RESF1: variants seen among roughly 807,000 people sequenced by gnomAD.
RESF1 encodes the protein gonad expressed transcript.
In RESF1, 65 loss-of-function variants were observed where a neutral mutation model predicts 134.7. The observed-to-expected ratio is 0.48, with a 90% CI of 0.40 to 0.59. The LOEUF is 0.59. Among genes scored for constraint, RESF1 ranks in the 20% least tolerant of loss-of-function variants. RESF1 has a pLI of 0.00. For synonymous variants in RESF1, 762 were observed against 702.2 expected, an observed-to-expected ratio of 1.09 and a Z score of -1.35; for missense variants, 2,274 against 2,002.7, an observed-to-expected ratio of 1.14 and a Z score of -2.59.
intron 3 of RESF1, among the ~76,000 whole-genome samples, chr12:31,970,983 T>C (rs1240529004): frequency 6.6e-6 from 1 of 152,240 alleles, no homozygotes; most frequent in African/African-American, 2.4e-5. Flanking sequence ...AGTAAACCTT[T>C]ATCAGATTAT....
chr12:31,972,300 G>A (rs1330805872), intron 3 of RESF1, among the ~76,000 whole-genome samples: 1 of 151,904 alleles, frequency 6.6e-6, no homozygotes. Context: ...ACTTGGTGTT[G>A]GCATCAGAAG....
At chr12:31,962,995 A>G (rs904056665) in intron 2 of RESF1, among the ~76,000 whole-genome samples, 8 of 152,162 alleles carry the variant, frequency 5.3e-5, no homozygotes, top group African/African-American at 1.9e-4. Flanking sequence ...GCTATCCGGG[A>G]GGCAGAGGTT....
rs543165009 is a variant in RESF1, at chr12:31,972,393, T to G, written c.-79+2037T>G. Among the ~76,000 whole-genome samples the G allele has an allele frequency of 3.3e-5, 5 of 151,742 alleles. No individual in the cohort carries two copies. The East Asian group carries it at 9.7e-4, about 29-fold the overall frequency. On this transcript the variant is annotated intron_variant, in intron 3 of 5. Coordinates refer to ENST00000312561, the MANE Select transcript of RESF1 (RefSeq NM_018169.4). ...AGGCCGAGGTGGGTGGATCACGAGGTCAGGAGATCGAGACCATCCTGGCTA... is the reference window on the plus strand; with the variant it reads ...AGGCCGAGGTGGGTGGATCACGAGGGCAGGAGATCGAGACCATCCTGGCTA...
intron 2 of RESF1, among the ~76,000 whole-genome samples, chr12:31,968,104 T>C (rs1464296446): frequency 6.6e-6 from 1 of 152,228 alleles, no homozygotes; most frequent in African/African-American, 2.4e-5. Flanking sequence ...CTCTAATTTT[T>C]CGAATGCTTA....
chr12:31,983,042 T>C lies in RESF1; in HGVS notation c.2087T>C (p.Leu696Pro). Reference sequence around the variant, plus strand: ...GCAAAAGAAAAGGAGTGTGATAAACTCAGAACAAACACAACAGCAGTTGGA... The same window carrying C: ...GCAAAAGAAAAGGAGTGTGATAAACCCAGAACAAACACAACAGCAGTTGGA... ...DTAKEKECDK[L>P]RTNTTAVGIS... Residue 696 changes from leucine (L) to proline (P), a missense_variant, in exon 4 of 6, where the codon CTC (leucine) becomes CCC (proline). By Grantham distance (98) the Leu-to-Pro change is moderately conservative. Coordinates refer to ENST00000312561, the MANE Select transcript of RESF1 (RefSeq NM_018169.4). The C allele has an allele frequency of 1.2e-6, 2 of 1,613,986 alleles. No individual in the cohort carries two copies. The highest frequency in any genetic ancestry group is 1.7e-6 in the Non-Finnish European group (2 of 1,179,994).
At chr12:31,968,824 A>G (rs1332397279) in intron 2 of RESF1, among the ~76,000 whole-genome samples, 4 of 152,222 alleles carry the variant, frequency 2.6e-5, no homozygotes, top group African/African-American at 7.2e-5. Flanking sequence ...GACATTATCT[A>G]CATGCATGTG....
rs770290693 is a variant in RESF1 at position 31,980,942 on chromosome 12, A to G, written c.-14A>G. ...AACTGACTTGTAATACACTGCTACTATATCAAACCGACAATGAATTGGAAT... is the reference window on the plus strand; with the variant it reads ...AACTGACTTGTAATACACTGCTACTGTATCAAACCGACAATGAATTGGAAT... On this transcript the variant is annotated 5_prime_UTR_variant, in exon 4 of 6. Coordinates refer to ENST00000312561, the MANE Select transcript of RESF1 (RefSeq NM_018169.4). 9.5e-6 allele frequency: 15 copies of G among 1,580,792 alleles called. No homozygotes were observed. Among genetic ancestry groups the G allele is most frequent in the Middle Eastern group, 3.4e-4 (2 of 5,924 alleles).
chr12:31,981,880 C>T lies in RESF1; in HGVS notation c.925C>T (p.Arg309Ter). Residue 309 changes from arginine to a stop codon, truncating the protein, a stop_gained, in exon 4 of 6, where the codon CGA becomes TGA. Coordinates refer to ENST00000312561, the MANE Select transcript of RESF1 (RefSeq NM_018169.4). LOFTEE classifies it high-confidence loss of function. Reference protein sequence around the residue: ...KHLSMEVPQSREMLSSEIRTS... With the variant: ...KHLSMEVPQS The stretch of plus-strand genomic sequence containing the variant: ...CTTGTCTATGGAAGTTCCTCAGAGT[C>T]GAGAAATGCTGTCATCTGAAATAAG... 6 of 1,614,066 alleles carry T rather than the reference C, an allele frequency of 3.7e-6. No homozygotes were observed. Among genetic ancestry groups the T allele is most frequent in the South Asian group, 1.1e-5 (1 of 91,070 alleles).
rs12297628 is a variant in RESF1 at position 31,983,386 on chromosome 12, A to G, written c.2431A>G (p.Thr811Ala). The G allele has an allele frequency of 2.2e-3, 3,526 of 1,614,072 alleles. 56 individuals carry two copies. In the African/African-American group the frequency reaches 0.04, roughly 18 times the overall value. ...TCAATTGGCAGAAAATGCAAAGGCA[A>G]CTGCTGCTTTGAAAGTTGATGTTAG... The part of the protein sequence containing the change: ...QNQLAENAKA[T>A]AALKVDVSGP... The change falls in exon 4 of 6, where the codon ACT becomes GCT. Residue 811 changes from threonine to alanine, a missense_variant. Thr to Ala is a moderately conservative substitution (Grantham distance 58). Coordinates refer to ENST00000312561, the MANE Select transcript of RESF1 (RefSeq NM_018169.4).
At chr12:31,989,579 AG>A (rs1374953142) in intron 5 of RESF1, among the ~76,000 whole-genome samples, 1 of 150,368 alleles carries the variant, frequency 6.7e-6, no homozygotes, top group East Asian at 2.0e-4. Flanking sequence ...AGGCCGGGCG[AG>A]GTGGCTCACG....
chr12:31,968,207 TAAG>T (rs1018462216), intron 2 of RESF1, among the ~76,000 whole-genome samples: 1 of 152,212 alleles, frequency 6.6e-6, no homozygotes, highest in African/African-American at 2.4e-5. Context: ...TTGTGGAACA[TAAG>T]AAGTGGAACT....
In RESF1 at chr12:31,985,544, AC is replaced by A; in HGVS notation, c.4590del (p.Tyr1530Ter). 6.3e-7 allele frequency: 1 copy of A among 1,598,264 alleles called. No homozygotes were observed. The highest frequency in any genetic ancestry group is 8.5e-7 in the Non-Finnish European group (1 of 1,175,528). On this transcript the variant is annotated frameshift_variant, in exon 4 of 6. Coordinates refer to ENST00000312561, the MANE Select transcript of RESF1 (RefSeq NM_018169.4). LOFTEE classifies it high-confidence loss of function. The part of the protein sequence containing the change: ...KIHHSQESKT[Y>X]NILRNVKEKV... The stretch of plus-strand genomic sequence containing the variant: ...CACCATTCTCAGGAGTCTAAAACAT[AC>A]AACATTCTAAGGAATGTTAAAGAAA...
At chr12:31,966,004 G>A (rs1939391038) in intron 2 of RESF1, among the ~76,000 whole-genome samples, 1 of 152,126 alleles carries the variant, frequency 6.6e-6, no homozygotes, top group Non-Finnish European at 1.5e-5. Context: ...TGTATACTTG[G>A]GGGTGCTTGT....
chr12:31,984,847 A>G lies in RESF1; in HGVS notation c.3892A>G (p.Arg1298Gly), dbSNP rs772526125. The change falls in exon 4 of 6, where the codon AGG (arginine) becomes GGG (glycine). Residue 1298 changes from arginine (R) to glycine (G), a missense_variant. By Grantham distance (125) the Arg-to-Gly change is moderately radical. Coordinates refer to ENST00000312561, the MANE Select transcript of RESF1 (RefSeq NM_018169.4). ...GCAAAATCACAAAAGAAAAAAATTG[A>G]GGTTTCACGAGGTAACCTTTCACTC... ...PLQNHKRKKL[R>G]FHEVTFHSSN... 1 of 1,601,678 alleles carries G rather than the reference A, an allele frequency of 6.2e-7. No homozygotes were observed. The highest frequency in any genetic ancestry group is 1.1e-5 in the South Asian group (1 of 87,864).
At chr12:31,987,147 A>T in intron 4 of RESF1, 92 bp from the exon 5 acceptor site, 1 of 708,764 alleles carries the variant, frequency 1.4e-6, no homozygotes, top group Non-Finnish European at 2.4e-6. Context: ...GCCTTTCAAA[A>T]TCTATTTTCA....
At chr12:31,971,436 C>G (rs1243889834) in intron 3 of RESF1, among the ~76,000 whole-genome samples, 1 of 152,196 alleles carries the variant, frequency 6.6e-6, no homozygotes, top group Non-Finnish European at 1.5e-5. Flanking sequence ...GCCACTGTGC[C>G]TGGCCTGCAT....
chr12:31,964,450 A>C (rs961919423), intron 2 of RESF1, among the ~76,000 whole-genome samples: 2 of 152,204 alleles, frequency 1.3e-5, no homozygotes, highest in African/African-American at 4.8e-5. Context: ...AAGCTCCTGC[A>C]AAGGACATGA....
At chr12:31,975,227 T>C (rs569191343) in intron 3 of RESF1, among the ~76,000 whole-genome samples, 94 of 151,844 alleles carry the variant, frequency 6.2e-4, no homozygotes, top group African/African-American at 2.2e-3. Flanking sequence ...ATCGTGCCAC[T>C]GCACTCCAGC....
chr12:31,978,515 T>C (rs1190847478), intron 3 of RESF1, among the ~76,000 whole-genome samples: 1 of 151,946 alleles, frequency 6.6e-6, no homozygotes, highest in African/African-American at 2.4e-5. Context: ...TTATAATTTT[T>C]TAAATATGTA....
Sources: allele counts gnomAD v4.1 joint callset (sites outside exome capture counted in the v4.1 genomes callset), GRCh38; gene constraint gnomAD v4.1.1; transcripts MANE v1.5; gene names NCBI Gene and HGNC (gene_info 2026-07-23, HGNC 2026-07-21).